The following MIER2 variants were observed in gnomAD, a reference collection of about 807,000 sequenced individuals.
MIER2 encodes the protein mesoderm induction early response protein 2.
In MIER2, 30 loss-of-function variants were observed where a neutral mutation model predicts 67.6. That is an observed-to-expected ratio of 0.44 (90% CI 0.33 to 0.60). The LOEUF (loss-of-function observed/expected upper bound fraction) is 0.60. MIER2 is among the 20% of genes least tolerant of loss of function. The probability of loss-of-function intolerance (pLI) is 0.02; values close to 1 mark genes in which losing one functional copy is unlikely to be tolerated. For synonymous variants in MIER2, 372 were observed against 312.6 expected, an observed-to-expected ratio of 1.19 and a Z score of -2.00; for missense variants, 702 against 745.1, an observed-to-expected ratio of 0.94 and a Z score of 0.67.
In MIER2 at chr19:320,430, T is replaced by C. The variant is rs142952162; in HGVS notation, c.655+5205A>G. 4.7e-4 allele frequency among the ~76,000 whole-genome samples: 70 copies of C among 149,474 alleles called. No individual in the cohort carries two copies. The East Asian group carries it at 0.011, about 24-fold the overall frequency. On this transcript the variant is annotated intron_variant, in intron 7 of 13. Coordinates refer to ENST00000264819, the MANE Select transcript of MIER2 (RefSeq NM_017550.3). Reference sequence around the variant, plus strand: ...ATAAATAAAATTTAAATTTAAAAAATAGATACGTAAATAAAATTTAAATTA... The same window carrying C: ...ATAAATAAAATTTAAATTTAAAAAACAGATACGTAAATAAAATTTAAATTA...
intron 7 of MIER2, among the ~76,000 whole-genome samples, chr19:321,973 C>T (rs528545500): frequency 1.3e-5 from 2 of 151,972 alleles, no homozygotes; most frequent in African/African-American, 2.4e-5. Flanking sequence ...GGCGCGATCT[C>T]GGCTCACTGC....
At chr19:319,554 G>A (rs1041685925) in intron 7 of MIER2, among the ~76,000 whole-genome samples, 3 of 152,160 alleles carry the variant, frequency 2.0e-5, no homozygotes, top group African/African-American at 7.2e-5. Flanking sequence ...TGCCTCCCGG[G>A]TTCAAGTGAT....
chr19:329,358 A>G lies in MIER2; in HGVS notation c.244-1369T>C, dbSNP rs1747991964. On this transcript the variant is annotated intron_variant, in intron 3 of 13. Transcript: ENST00000264819. ...GGTGGGAAGGTTGACACAGTGGTCC[A>G]GAGGCCCTTGGGTTGCCTGAACCTC... Among the ~76,000 whole-genome samples, 5 of 152,358 alleles carry G rather than the reference A, an allele frequency of 3.3e-5. No individual in the cohort carries two copies. The South Asian group carries it at 8.3e-4, about 25-fold the overall frequency.
chr19:333,859 T>A (rs1343420427), intron 3 of MIER2, among the ~76,000 whole-genome samples: 1 of 151,532 alleles, frequency 6.6e-6, no homozygotes, highest in Non-Finnish European at 1.5e-5. Flanking sequence ...CGGCTAATTT[T>A]GTTTTTGTAT....
intron 1 of MIER2, chr19:344,227 G>A: frequency 2.0e-6 from 2 of 985,394 alleles, no homozygotes; most frequent in Non-Finnish European, 1.2e-6. Context: ...AGGCGGGTCC[G>A]CGTCGGGAGT....
intron 7 of MIER2, among the ~76,000 whole-genome samples, chr19:314,942 G>A (rs1023397884): frequency 1.3e-5 from 2 of 152,112 alleles, no homozygotes; most frequent in Non-Finnish European, 2.9e-5. Context: ...AGGCACGTCT[G>A]TAGTCCCAGC....
intron 1 of MIER2, among the ~76,000 whole-genome samples, chr19:337,641 C>T (rs4897952): frequency 0.19 from 28,890 of 151,644 alleles, 4,213 homozygotes; most frequent in African/African-American, 0.4. Context: ...CTCAGGCAGG[C>T]GGATCCCTTG....
At chr19:315,375 A>C (rs181791371) in intron 7 of MIER2, among the ~76,000 whole-genome samples, 2 of 151,838 alleles carry the variant, frequency 1.3e-5, no homozygotes, top group South Asian at 2.1e-4. Flanking sequence ...CAAACAAACA[A>C]ACAAAACAAG....
intron 4 of MIER2, 26 bp downstream of exon 4, chr19:327,838 C>T (rs1200902671): frequency 6.2e-7 from 1 of 1,610,358 alleles, no homozygotes; most frequent in African/African-American, 1.3e-5. Flanking sequence ...AGCTGTGAGC[C>T]AGTTCCAGGA....
rs1435038172 is a variant in MIER2 at position 336,180 on chromosome 19, A to G, written c.10-7T>C. The G allele has an allele frequency of 2.5e-6, 4 of 1,611,658 alleles. No homozygotes were observed. The highest frequency in any genetic ancestry group is 3.4e-6 in the Non-Finnish European group (4 of 1,178,570). ...GCCTCCCCAGCGAGGAGGCCTGCGA[A>G]GGAAGAGAGGCAGGGTTAGCTCGGC... On this transcript the variant is annotated splice_region_variant and splice_polypyrimidine_tract_variant and intron_variant, in intron 1 of 13. Coordinates refer to ENST00000264819, the MANE Select transcript of MIER2 (RefSeq NM_017550.3).
intron 3 of MIER2, among the ~76,000 whole-genome samples, chr19:328,688 CAGTGAGCCA>C (rs1482999200): frequency 2.0e-5 from 3 of 152,244 alleles, no homozygotes; most frequent in Middle Eastern, 3.4e-3. Context: ...ATGGAGGTTG[CAGTGAGCCA>C]AGATCACACC....
rs111862515 is a variant in MIER2, at chr19:309,544, T to C, written c.985-619A>G. On this transcript the variant is annotated intron_variant, in intron 10 of 13. Coordinates refer to ENST00000264819, the MANE Select transcript of MIER2 (RefSeq NM_017550.3). ...TAGCACATAAAGGGCCAAACACACA[T>C]GCACACAGGCTTCAGGGAGACGAGA... is the stretch of plus-strand genomic sequence containing the variant. 4.0e-3 allele frequency among the ~76,000 whole-genome samples: 545 copies of C among 136,874 alleles called. 3 individuals carry two copies. The highest frequency in any genetic ancestry group is 9.1e-3 in the African/African-American group (298 of 32,816). 89.8% of individuals were successfully genotyped at this position (136,874 alleles called of 152,430 possible).
rs1970798683 is a variant in MIER2, at chr19:309,007, A to AC, written c.985-83dup. 5.9e-6 allele frequency: 9 copies of AC among 1,531,202 alleles called. No individual in the cohort carries two copies. The South Asian group carries it at 9.8e-5, about 17-fold the overall frequency. 94.9% of individuals were successfully genotyped at this position (1,531,202 alleles called of 1,614,324 possible). A position where few individuals can be genotyped will look rare whatever the true frequency, so the allele number is the denominator to read the frequency against. ...CACCACGATCCCAGGACGTCCTGGG[A>AC]CCCCGGGACAGCACAGAAGGAGCAC... On this transcript the variant is annotated intron_variant, in intron 10 of 13. Transcript: ENST00000264819.
At chr19:323,096 C>A (rs60752755) in intron 7 of MIER2, among the ~76,000 whole-genome samples, 8 of 151,820 alleles carry the variant, frequency 5.3e-5, no homozygotes, top group Non-Finnish European at 8.8e-5. Flanking sequence ...CACACACAAC[C>A]ACGCAGACGA....
chr19:325,953 C>A (rs935137627), intron 6 of MIER2, among the ~76,000 whole-genome samples: 4 of 152,230 alleles, frequency 2.6e-5, no homozygotes, highest in African/African-American at 9.6e-5. Context: ...TGTCGGAGGA[C>A]AAACACTCTG....
chr19:344,574 G>A (rs1380087375), intron 1 of MIER2, 200 bp downstream of exon 1: 7 of 136,926 alleles, frequency 5.1e-5, no homozygotes, highest in Non-Finnish European at 5.7e-5. Context: ...GGGGGAGTTG[G>A]GGGGTGGGGG....
chr19:324,345 C>A lies in MIER2; in HGVS notation c.655+1290G>T, dbSNP rs527416486. Among the ~76,000 whole-genome samples the A allele has an allele frequency of 2.8e-5, 4 of 141,208 alleles. No individual in the cohort carries two copies. The East Asian group carries it at 8.1e-4, about 29-fold the overall frequency. 92.6% of individuals were successfully genotyped at this position (141,208 alleles called of 152,430 possible). On this transcript the variant is annotated intron_variant, in intron 7 of 13. Coordinates refer to ENST00000264819, the MANE Select transcript of MIER2 (RefSeq NM_017550.3). Reference sequence around the variant, plus strand: ...ACAACTCGAATGACACAGACGTCATCACAATGCAATACACAGGACACACAC... The same window carrying A: ...ACAACTCGAATGACACAGACGTCATAACAATGCAATACACAGGACACACAC...
intron 7 of MIER2, among the ~76,000 whole-genome samples, chr19:317,482 G>A (rs1053044126): frequency 5.3e-5 from 8 of 151,506 alleles, no homozygotes; most frequent in Admixed American, 1.3e-4. Flanking sequence ...AGCTGAGATC[G>A]CGCCACTGCA....
At chr19:337,983 CCAA>C (rs1316543061) in intron 1 of MIER2, among the ~76,000 whole-genome samples, 1 of 151,042 alleles carries the variant, frequency 6.6e-6, no homozygotes, top group African/African-American at 2.4e-5. Context: ...ATCATCCTGG[CCAA>C]CAAGGTGAAA....
Sources: allele counts gnomAD v4.1 joint callset (sites outside exome capture counted in the v4.1 genomes callset), GRCh38; gene constraint gnomAD v4.1.1; transcripts MANE v1.5; gene names NCBI Gene and HGNC (gene_info 2026-07-23, HGNC 2026-07-21).